The following SLC35B4 variants were observed in gnomAD, a reference collection of about 807,000 sequenced individuals.
SLC35B4 encodes nucleotide sugar transporter SLC35B4.
A neutral mutation model predicts 39.5 loss-of-function variants in SLC35B4; 28 were observed. The ratio of observed to expected loss-of-function variants is 0.71; its 90% CI spans 0.53 to 0.97. The LOEUF is 0.97. Ranked by LOEUF, SLC35B4 falls within the 50% of genes least tolerant of loss-of-function variation. SLC35B4 has a pLI of 0.00. For synonymous variants in SLC35B4, 145 were observed against 150.4 expected (o/e 0.96, Z 0.26); for missense variants, 334 against 414.3 (o/e 0.81, Z 1.68).
intron 1 of SLC35B4, among the ~76,000 whole-genome samples, chr7:134,315,445 C>T (rs927781372): frequency 6.6e-6 from 1 of 152,098 alleles, no homozygotes; most frequent in Admixed American, 6.5e-5. Flanking sequence ...AAATTCCACA[C>T]CTGACACCTT....
At chr7:134,313,325 C>T (rs1040279575) in intron 1 of SLC35B4, among the ~76,000 whole-genome samples, 1 of 152,164 alleles carries the variant, frequency 6.6e-6, no homozygotes. Context: ...ATGAATTGGG[C>T]AGATCGTTTA....
At chr7:134,320,282 A>G (rs1171053211), upstream of SLC35B4, among the ~76,000 whole-genome samples, 2 of 152,134 alleles carry the variant, frequency 1.3e-5, no homozygotes, top group Non-Finnish European at 2.9e-5. Flanking sequence ...GATCCCCGAG[A>G]TGGCAGGAGC....
intron 1 of SLC35B4, among the ~76,000 whole-genome samples, chr7:134,313,388 G>A (rs1803893541): frequency 6.6e-6 from 1 of 152,200 alleles, no homozygotes; most frequent in Non-Finnish European, 1.5e-5. Flanking sequence ...TTCAAGATCA[G>A]GCACTTGAAT....
At chr7:134,300,789 T>C (rs529762645) in intron 6 of SLC35B4, among the ~76,000 whole-genome samples, 170 of 152,330 alleles carry the variant, frequency 1.1e-3, no homozygotes, top group African/African-American at 3.9e-3. Flanking sequence ...TATTTTTCCA[T>C]AAATGCTGTG....
rs1803419758 is a variant in SLC35B4, at chr7:134,294,787, G to A, written c.*46C>T. The A allele has an allele frequency of 2.5e-6, 4 of 1,600,396 alleles. No homozygotes were observed. The highest frequency in any genetic ancestry group is 3.4e-6 in the Non-Finnish European group (4 of 1,171,094). ...CGAAACGGTGGTCAGACCTTCACAG[G>A]GTCCCACCCTCACGACGACACTGGT... On this transcript the variant is annotated 3_prime_UTR_variant, in exon 10 of 10. Transcript: ENST00000378509.
rs1437039111 is a variant in SLC35B4, at chr7:134,310,467, C to CTT, written c.78-989_78-988insAA. Among the ~76,000 whole-genome samples, 3 of 152,258 alleles carry CTT rather than the reference C, an allele frequency of 2.0e-5. No individual in the cohort carries two copies. In the East Asian group the frequency reaches 5.8e-4, roughly 29 times the overall value. On this transcript the variant is annotated intron_variant, in intron 1 of 9. Coordinates refer to ENST00000378509, the MANE Select transcript of SLC35B4 (RefSeq NM_032826.5). ...ATCGCTGGAAGAAGAACAAAGTGAG[C>CTT]AGTTATCTTTGCTCTCCTGAAGCTT...
At chr7:134,311,111 G>A (rs1803827185) in intron 1 of SLC35B4, among the ~76,000 whole-genome samples, 1 of 152,204 alleles carries the variant, frequency 6.6e-6, no homozygotes, top group South Asian at 2.1e-4. Context: ...AAGCTCTGCT[G>A]CCTATGAAGG....
At chr7:134,302,218 A>AATCCTGTCTGTCATACTTTAG in intron 4 of SLC35B4, 108 bp from the exon 5 acceptor site, 1 of 873,406 alleles carries the variant, frequency 1.1e-6, no homozygotes, top group Non-Finnish European at 1.8e-6. Flanking sequence ...TCACTAAAGT[A>AATCCTGTCTGTCATACTTTAG]TGACAGACAG....
chr7:134,305,431 C>T (rs976485619), intron 3 of SLC35B4, among the ~76,000 whole-genome samples: 2 of 152,048 alleles, frequency 1.3e-5, no homozygotes, highest in African/African-American at 4.8e-5. Flanking sequence ...TCCTTATAGG[C>T]ATGTTTTGCA....
chr7:134,299,502 A>G (rs1381449556), intron 8 of SLC35B4, 21 bp downstream of exon 8: 2 of 1,592,546 alleles, frequency 1.3e-6, no homozygotes, highest in Non-Finnish European at 1.7e-6. Flanking sequence ...AGGTAATTCT[A>G]CTGTCTAACC....
At chr7:134,319,356 A>G (rs543150855), upstream of SLC35B4, among the ~76,000 whole-genome samples, 1 of 152,342 alleles carries the variant, frequency 6.6e-6, no homozygotes, top group South Asian at 2.1e-4. Context: ...GTGGCTTTTT[A>G]CAATGAAAAC....
upstream of SLC35B4, chr7:134,317,035 C>T: frequency 7.4e-6 from 3 of 403,458 alleles, no homozygotes; most frequent in Non-Finnish European, 4.5e-6. Flanking sequence ...CCTCAGGATG[C>T]GACGTTCCCG....
intron 3 of SLC35B4, among the ~76,000 whole-genome samples, chr7:134,306,345 A>G (rs1426468410): frequency 6.6e-6 from 1 of 152,226 alleles, no homozygotes; most frequent in Admixed American, 6.5e-5. Context: ...GAGATAAGAA[A>G]TAAGTTAAAT....
At chr7:134,303,163 C>A (rs1044267971) in intron 4 of SLC35B4, among the ~76,000 whole-genome samples, 7 of 152,094 alleles carry the variant, frequency 4.6e-5, no homozygotes, top group Non-Finnish European at 8.8e-5. Flanking sequence ...GGAAAGTTAA[C>A]TTATGGAAAT....
At position 134,294,747 on chromosome 7, in the gene SLC35B4, C is replaced by A. The variant is rs201933365; in HGVS notation, c.*86G>T. 2.8e-5 allele frequency: 43 copies of A among 1,538,948 alleles called. No individual in the cohort carries two copies. In the South Asian group the frequency reaches 4.9e-4, roughly 18 times the overall value. ...GGCTGGCTCAGCACTGCGGGTAGCTCGGCATTAACAAAAGCGAAACGGTGG... is the reference window on the plus strand; with the variant it reads ...GGCTGGCTCAGCACTGCGGGTAGCTAGGCATTAACAAAAGCGAAACGGTGG... On this transcript the variant is annotated 3_prime_UTR_variant, in exon 10 of 10. Transcript: ENST00000378509.
rs1585640293 is a variant in SLC35B4, at chr7:134,304,789, G to A, written c.344+16C>T. The A allele has an allele frequency of 6.3e-7, 1 of 1,578,508 alleles. No homozygotes were observed. The highest frequency in any genetic ancestry group is 1.7e-5 in the Admixed American group (1 of 59,828). ...GTATCATTTCCATACACAAAATACA[G>A]AAGTGTATTGTTTACCTTTTCTTCA... On this transcript the variant is annotated intron_variant, in intron 4 of 9. Transcript: ENST00000378509.
At chr7:134,315,150 G>A (rs1398587927) in intron 1 of SLC35B4, among the ~76,000 whole-genome samples, 1 of 152,196 alleles carries the variant, frequency 6.6e-6, no homozygotes, top group Non-Finnish European at 1.5e-5. Context: ...GGCTGCTCAA[G>A]TTCAAAACTG....
intron 6 of SLC35B4, among the ~76,000 whole-genome samples, chr7:134,301,010 G>A: frequency 6.6e-6 from 1 of 152,130 alleles, no homozygotes; most frequent in East Asian, 1.9e-4. Context: ...TGAACTATAT[G>A]TTCATATCCT....
At chr7:134,307,991 T>C (rs1803748160) in intron 2 of SLC35B4, among the ~76,000 whole-genome samples, 1 of 152,218 alleles carries the variant, frequency 6.6e-6, no homozygotes, top group South Asian at 2.1e-4. Flanking sequence ...CAAGGTCTTT[T>C]AGGGTAATTA....
Sources: gnomAD v4.1 joint callset for allele counts (sites outside exome capture counted in the v4.1 genomes callset) on GRCh38, gnomAD v4.1.1 for gene constraint, MANE v1.5 for transcripts, NCBI Gene and HGNC (gene_info 2026-07-23, HGNC 2026-07-21) for gene names.